UTP20: variants seen among roughly 807,000 people sequenced by gnomAD.
The protein encoded by UTP20 is small subunit processome component 20 homolog.
In UTP20, 164 loss-of-function variants were observed where a neutral mutation model predicts 329.5. The observed-to-expected ratio is 0.50, with a 90% CI of 0.44 to 0.57. UTP20 has a LOEUF of 0.57. Ranked by LOEUF, UTP20 falls within the 20% of genes least tolerant of loss-of-function variation. The probability of loss-of-function intolerance (pLI) is 0.00; values close to 1 mark genes in which losing one functional copy is unlikely to be tolerated. For missense variants in UTP20, 3,055 were observed against 3,284.2 expected (o/e 0.93, Z 1.71); for synonymous variants, 1,151 against 1,159.3 (o/e 0.99, Z 0.14).
Position 101,286,316 on chromosome 12 carries a change from TC to T in UTP20, c.327-3del. ...CATGATCAGTTGCTTCTTTTTTTAA[TC>T]CAGTTTGGTTGTACAGTTGGCACGA... is the stretch of plus-strand genomic sequence containing the variant. On this transcript the variant is annotated splice_region_variant and splice_polypyrimidine_tract_variant and intron_variant, in intron 4 of 61. Transcript: ENST00000261637. 6.4e-7 allele frequency: 1 copy of T among 1,563,756 alleles called. No individual in the cohort carries two copies. Among genetic ancestry groups the T allele is most frequent in the South Asian group, 1.2e-5 (1 of 81,700 alleles).
chr12:101,347,118 C>T (rs1869350626), intron 38 of UTP20, among the ~76,000 whole-genome samples: 1 of 152,018 alleles, frequency 6.6e-6, no homozygotes, highest in South Asian at 2.1e-4. Flanking sequence ...TCAGAGACAC[C>T]CAGAGTCAGA....
chr12:101,300,645 A>G (rs1872496623), intron 14 of UTP20, among the ~76,000 whole-genome samples: 1 of 152,158 alleles, frequency 6.6e-6, no homozygotes, highest in African/African-American at 2.4e-5. Flanking sequence ...CTCCCCCACT[A>G]GTCTGCAAAC....
chr12:101,282,862 T>G (rs1451119634), intron 2 of UTP20, among the ~76,000 whole-genome samples: 1 of 152,172 alleles, frequency 6.6e-6, no homozygotes, highest in Non-Finnish European at 1.5e-5. Context: ...AGAGAAAGAT[T>G]CCAGAGATGT....
chr12:101,356,617 C>G lies in UTP20; in HGVS notation c.5458C>G (p.Arg1820Gly), dbSNP rs747880391. The G allele has an allele frequency of 1.2e-6, 2 of 1,613,968 alleles. No individual in the cohort carries two copies. The highest frequency in any genetic ancestry group is 2.2e-5 in the East Asian group (1 of 44,860). The change falls in exon 42 of 62, where the codon CGA (arginine) becomes GGA (glycine). Residue 1820 changes from arginine to glycine, a missense_variant. This residue lies in a region of UTP20 where 2,445 missense variants were observed against 2,575.5 expected (regional missense o/e 0.95). Coordinates refer to ENST00000261637, the MANE Select transcript of UTP20 (RefSeq NM_014503.3). Reference sequence around the variant, plus strand: ...GGTTGTGAATGATGAGGAAGTCGTTCGAGTTCCATTAGCTTTTGCCATGGT... The same window carrying G: ...GGTTGTGAATGATGAGGAAGTCGTTGGAGTTCCATTAGCTTTTGCCATGGT... ...SKVVNDEEVV[R>G]VPLAFAMVKL...
At chr12:101,316,809 TATTC>T (rs1039006274) in intron 21 of UTP20, among the ~76,000 whole-genome samples, 7 of 152,184 alleles carry the variant, frequency 4.6e-5, no homozygotes, top group African/African-American at 9.7e-5. Context: ...TTCAAGATAA[TATTC>T]ATTAATTGCA....
In UTP20 at chr12:101,319,548, A is replaced by G. The variant is rs377383311; in HGVS notation, c.2742A>G (p.Gln914=). The change falls in exon 23 of 62, where the codon CAA becomes CAG. Residue 914 remains glutamine (Q), a synonymous_variant. Coordinates refer to ENST00000261637, the MANE Select transcript of UTP20 (RefSeq NM_014503.3). ...KKKTRRAAAK[Q]LIAHLQVFSK... is the part of the protein sequence containing the mutation. ...TCTCTGTTTTGTTTTTGTTTAGGCAATTAATTGCTCATTTGCAAGTTTTCT... is the reference window on the plus strand; with the variant it reads ...TCTCTGTTTTGTTTTTGTTTAGGCAGTTAATTGCTCATTTGCAAGTTTTCT... 5.6e-6 allele frequency: 9 copies of G among 1,601,228 alleles called. No homozygotes were observed. Among genetic ancestry groups the G allele is most frequent in the Non-Finnish European group, 7.6e-6 (9 of 1,177,702 alleles).
chr12:101,306,212 A>G, intron 16 of UTP20, 147 bp downstream of exon 16: 1 of 1,041,920 alleles, frequency 9.6e-7, no homozygotes, highest in South Asian at 2.0e-5. Context: ...TTGGCCTGCA[A>G]ACCAATTGCA....
chr12:101,352,578 C>T (rs1052896773), intron 39 of UTP20, among the ~76,000 whole-genome samples: 16 of 149,344 alleles, frequency 1.1e-4, no homozygotes, highest in African/African-American at 3.3e-4. Flanking sequence ...AACCAAACAC[C>T]GCATATTCTC....
At chr12:101,379,280 A>G (rs911303026) in intron 56 of UTP20, 91 bp from the exon 57 acceptor site, 7 of 1,235,770 alleles carry the variant, frequency 5.7e-6, no homozygotes, top group Admixed American at 2.7e-5. Context: ...CACTCCAAAC[A>G]CATAATACTC....
rs200078972 is a variant in UTP20, at chr12:101,374,557, G to GA, written c.7132-242dup. Reference sequence around the variant, plus strand: ...TTCCATTTCCTTTTAATTAAAAATGGAAAAAAAAATTAAAGTATTCACTGG... The same window carrying GA: ...TTCCATTTCCTTTTAATTAAAAATGGAAAAAAAAAATTAAAGTATTCACTGG... On this transcript the variant is annotated intron_variant, in intron 54 of 61. Transcript: ENST00000261637. Among the ~76,000 whole-genome samples, 812 of 150,842 alleles carry GA rather than the reference G, an allele frequency of 5.4e-3. 7 individuals are homozygous for GA. The highest frequency in any genetic ancestry group is 0.019 in the African/African-American group (779 of 41,150).
intron 19 of UTP20, among the ~76,000 whole-genome samples, chr12:101,311,185 A>G (rs1034250508): frequency 1.3e-5 from 2 of 152,244 alleles, no homozygotes. Flanking sequence ...AAAATTAGTG[A>G]TAGAATATTT....
At chr12:101,336,569 C>T (rs576039048) in intron 29 of UTP20, among the ~76,000 whole-genome samples, 1 of 152,330 alleles carries the variant, frequency 6.6e-6, no homozygotes, top group South Asian at 2.1e-4. Context: ...AGACCCCTCT[C>T]TTAGCTGCTC....
In UTP20 at chr12:101,370,326, C is replaced by T. The variant is rs140067928; in HGVS notation, c.6556-106C>T. 173 of 1,344,516 alleles carry T rather than the reference C, an allele frequency of 1.3e-4. 2 individuals are homozygous for T. The East Asian group carries it at 4.2e-3, about 33-fold the overall frequency. 83.3% of individuals were successfully genotyped at this position (1,344,516 alleles called of 1,614,324 possible). On this transcript the variant is annotated intron_variant, in intron 49 of 61. Transcript: ENST00000261637. ...ATTTGCCAAGGCTAGAGGGCTGGCA[C>T]CCTGTTTGGAAAAGCATACTTGTGT...
At chr12:101,345,478 GTT>G (rs995756910) in intron 36 of UTP20, 74 bp from the exon 37 acceptor site, 35 of 985,770 alleles carry the variant, frequency 3.6e-5, no homozygotes, top group Non-Finnish European at 4.9e-5. Flanking sequence ...AAAATTTTAT[GTT>G]TTTTTCTGTT....
intron 44 of UTP20, 41 bp downstream of exon 44, chr12:101,362,101 G>T: frequency 7.0e-7 from 1 of 1,427,122 alleles, no homozygotes. Context: ...TTTTTAAGTG[G>T]GCCAACGACA....
intron 16 of UTP20, 142 bp downstream of exon 16, chr12:101,306,207 C>T (rs1282429163): frequency 4.5e-6 from 5 of 1,101,512 alleles, no homozygotes; most frequent in Non-Finnish European, 5.0e-6. Flanking sequence ...AAATGTTGGC[C>T]TGCAAACCAA....
intron 25 of UTP20, among the ~76,000 whole-genome samples, chr12:101,324,007 C>T (rs1048874503): frequency 6.6e-6 from 1 of 151,702 alleles, no homozygotes; most frequent in Non-Finnish European, 1.5e-5. Flanking sequence ...CGTGGTGGCA[C>T]GTGCCTGTAA....
intron 11 of UTP20, 125 bp from the exon 12 acceptor site, chr12:101,295,355 C>G (rs1872313332): frequency 1.2e-6 from 1 of 829,790 alleles, no homozygotes; most frequent in African/African-American, 1.7e-5. Context: ...TCCATTGTTC[C>G]TATGTAGAGG....
At chr12:101,299,267 A>G (rs762446382) in intron 12 of UTP20, among the ~76,000 whole-genome samples, 2 of 152,222 alleles carry the variant, frequency 1.3e-5, no homozygotes, top group Non-Finnish European at 2.9e-5. Context: ...TTTTAGTGGT[A>G]TTCGTCAACT....
Sources: gnomAD v4.1 joint callset for allele counts (sites outside exome capture counted in the v4.1 genomes callset) on GRCh38, gnomAD v4.1.1 for gene constraint, gnomAD v4.1.1 regional missense constraint, MANE v1.5 for transcripts, NCBI Gene and HGNC (gene_info 2026-07-23, HGNC 2026-07-21) for gene names.